Variants in BTRC observed in about 807,000 individuals in gnomAD.
BTRC encodes beta-transducin repeat containing E3 ubiquitin protein ligase, also known as F-box/WD repeat-containing protein 1A.
A neutral mutation model predicts 85.5 loss-of-function variants in BTRC; 42 were observed. The observed-to-expected ratio is 0.49, with a 90% CI of 0.38 to 0.64. BTRC has a LOEUF of 0.64. Among genes scored for constraint, BTRC ranks in the 30% least tolerant of loss-of-function variants. The pLI is 0.00. For missense variants in BTRC, 594 were observed against 743.5 expected (o/e 0.80, Z 2.34); for synonymous variants, 255 against 263.3 (o/e 0.97, Z 0.30).
chr10:101,510,463 T>TCG (rs1280673140), intron 4 of BTRC, among the ~76,000 whole-genome samples: 1 of 151,292 alleles, frequency 6.6e-6, no homozygotes, highest in Non-Finnish European at 1.5e-5. Flanking sequence ...TGAGCCGAGA[T>TCG]CGCGCCACTG....
intron 14 of BTRC, chr10:101,551,113 G>T (rs2062642753): frequency 2.5e-6 from 1 of 408,040 alleles, no homozygotes; most frequent in Non-Finnish European, 4.4e-6. Context: ...GGTCCTACTT[G>T]TGTGGTAAGC....
chr10:101,357,218 G>A (rs953258521), intron 1 of BTRC, among the ~76,000 whole-genome samples: 4 of 151,734 alleles, frequency 2.6e-5, no homozygotes, highest in South Asian at 2.1e-4. Flanking sequence ...TGAGGCGGGC[G>A]GAACACGAGG....
chr10:101,440,670 C>T (rs1245256022), intron 2 of BTRC, among the ~76,000 whole-genome samples: 1 of 151,516 alleles, frequency 6.6e-6, no homozygotes, highest in East Asian at 1.9e-4. Flanking sequence ...TGCAGTGAGC[C>T]GAAATCATAT....
intron 4 of BTRC, among the ~76,000 whole-genome samples, chr10:101,512,601 A>G (rs981316576): frequency 2.6e-5 from 4 of 152,226 alleles, no homozygotes; most frequent in Admixed American, 6.5e-5. Flanking sequence ...TAGTATTACA[A>G]TGATAGTTGA....
At chr10:101,508,733 T>G (rs1946606515) in intron 4 of BTRC, among the ~76,000 whole-genome samples, 1 of 151,892 alleles carries the variant, frequency 6.6e-6, no homozygotes, top group African/African-American at 2.4e-5. Context: ...GCTAACACGG[T>G]GATACCCCGT....
intron 1 of BTRC, among the ~76,000 whole-genome samples, chr10:101,372,095 A>T (rs1176762563): frequency 6.6e-6 from 1 of 152,034 alleles, no homozygotes; most frequent in African/African-American, 2.4e-5. Context: ...GGATTTTCTC[A>T]GTAGCTCCAT....
chr10:101,427,145 G>C (rs1944277262), intron 1 of BTRC, among the ~76,000 whole-genome samples: 2 of 127,600 alleles, frequency 1.6e-5, no homozygotes, highest in African/African-American at 3.0e-5. Context: ...TTGAGACGGA[G>C]TCTTGTTCTG....
chr10:101,501,093 G>C (rs1041093825), intron 4 of BTRC, among the ~76,000 whole-genome samples: 1 of 152,116 alleles, frequency 6.6e-6, no homozygotes, highest in African/African-American at 2.4e-5. Flanking sequence ...CTACTCAGGA[G>C]GCTGAGGCAG....
intron 4 of BTRC, 72 bp downstream of exon 4, chr10:101,479,529 C>T: frequency 8.2e-7 from 1 of 1,219,500 alleles, no homozygotes; most frequent in South Asian, 1.3e-5. Flanking sequence ...CATCTTTACT[C>T]AGTATTGCTT....
chr10:101,387,527 A>ATTTTTTTT (rs1564741908), intron 1 of BTRC, among the ~76,000 whole-genome samples: 1 of 17,006 alleles, frequency 5.9e-5, no homozygotes, highest in Non-Finnish European at 8.4e-5. Flanking sequence ...CCTTCATGGG[A>ATTTTTTTT]CTTTTTTTTT....
intron 3 of BTRC, among the ~76,000 whole-genome samples, chr10:101,475,953 A>ATT (rs1554884609): frequency 1.0e-4 from 14 of 133,822 alleles, no homozygotes; most frequent in African/African-American, 2.9e-4. Context: ...ATATATATAT[A>ATT]TTCAGTAATT....
intron 1 of BTRC, among the ~76,000 whole-genome samples, chr10:101,386,686 A>G (rs564677801): frequency 1.3e-5 from 2 of 152,320 alleles, no homozygotes; most frequent in South Asian, 4.1e-4. Flanking sequence ...ACAATTGATG[A>G]CAGCCTGAAT....
At chr10:101,414,156 C>T (rs1299586945) in intron 1 of BTRC, among the ~76,000 whole-genome samples, 1 of 152,162 alleles carries the variant, frequency 6.6e-6, no homozygotes, top group African/African-American at 2.4e-5. Flanking sequence ...TCCTGGCAAC[C>T]ACCATCCTAC....
chr10:101,461,810 A>T (rs1248239092), intron 2 of BTRC, among the ~76,000 whole-genome samples, 171 bp from the exon 3 acceptor site: 3 of 152,202 alleles, frequency 2.0e-5, no homozygotes, highest in Non-Finnish European at 4.4e-5. Flanking sequence ...ACATGGGCAT[A>T]TGTTTTCTTT....
At position 101,555,650 on chromosome 10, in the gene BTRC, G is replaced by A. The variant is rs967760123; in HGVS notation, c.*2527G>A. 3 of 152,626 alleles carry A rather than the reference G, an allele frequency of 2.0e-5. No homozygotes were observed. Among genetic ancestry groups the A allele is most frequent in the Admixed American group, 1.3e-4 (2 of 15,272 alleles). The allele number at this position is 152,626 out of a possible 1,614,324, so 9.5% of individuals were successfully genotyped here. A position where few individuals can be genotyped will look rare whatever the true frequency, so the allele number is the denominator to read the frequency against. ...CACTTACCATCTCTGCATGATTTCA[G>A]TGGGAATTGATTATCACTAATCCCC... is the stretch of plus-strand genomic sequence containing the variant. On this transcript the variant is annotated 3_prime_UTR_variant, in exon 15 of 15. Coordinates refer to ENST00000370187, the MANE Select transcript of BTRC (RefSeq NM_033637.4).
chr10:101,396,828 A>C (rs1943376111), intron 1 of BTRC, among the ~76,000 whole-genome samples: 1 of 149,028 alleles, frequency 6.7e-6, no homozygotes, highest in Admixed American at 6.7e-5. Flanking sequence ...TTTGAGACAG[A>C]GTCTCACTCT....
intron 1 of BTRC, among the ~76,000 whole-genome samples, chr10:101,380,237 A>T (rs982564506): frequency 9.2e-5 from 14 of 152,190 alleles, no homozygotes; most frequent in Admixed American, 3.3e-4. Flanking sequence ...CAAAGATAAT[A>T]TCTACTTTTG....
chr10:101,401,588 A>G (rs1172917809), intron 1 of BTRC, among the ~76,000 whole-genome samples: 3 of 152,208 alleles, frequency 2.0e-5, no homozygotes, highest in Non-Finnish European at 2.9e-5. Context: ...AGATTCAACA[A>G]TCTTATAGTA....
At chr10:101,463,884 G>T (rs903230860) in intron 3 of BTRC, among the ~76,000 whole-genome samples, 10 of 151,602 alleles carry the variant, frequency 6.6e-5, no homozygotes, top group Admixed American at 2.0e-4. Flanking sequence ...TTTTTTGGAT[G>T]AACACTTCTT....
Sources: gnomAD v4.1 joint callset for allele counts (sites outside exome capture counted in the v4.1 genomes callset) on GRCh38, gnomAD v4.1.1 for gene constraint, MANE v1.5 for transcripts, NCBI Gene and HGNC (gene_info 2026-07-23, HGNC 2026-07-21) for gene names.